Variants in KCNJ12 observed in about 807,000 individuals in gnomAD.
The protein encoded by KCNJ12 is ATP-sensitive inward rectifier potassium channel 12.
Under a neutral mutation model 22.3 loss-of-function variants are expected in KCNJ12, and 2 were observed. The ratio of observed to expected loss-of-function variants is 0.09; its 90% confidence interval spans 0.04 to 0.28. The LOEUF is 0.28. KCNJ12 is among the 10% of genes least tolerant of loss of function. The probability of loss-of-function intolerance (pLI) is 1.00; values close to 1 mark genes in which losing one functional copy is unlikely to be tolerated. For synonymous variants in KCNJ12, 117 were observed against 261.4 expected, an observed-to-expected ratio of 0.45 and a Z score of 5.33; for missense variants, 155 against 633.3, an observed-to-expected ratio of 0.24 and a Z score of 8.11.
chr17:21,416,554 C>T lies in KCNJ12; in HGVS notation c.1212C>T (p.Leu404=). Reference sequence around the variant, plus strand: ...AGGACGGCCGAAGCCGGGACGGCCTCAGCCCCCAGGCCAGGCATGACTTTG... The same window carrying T: ...AGGACGGCCGAAGCCGGGACGGCCTTAGCCCCCAGGCCAGGCATGACTTTG... ...GDQDGRSRDG[L]SPQARHDFDR... is the part of the protein sequence containing the mutation. Residue 404 remains leucine, a synonymous_variant, in exon 3 of 3, where the codon CTC becomes CTT. Coordinates refer to ENST00000583088, the MANE Select transcript of KCNJ12 (RefSeq NM_021012.5). 6.2e-7 allele frequency: 1 copy of T among 1,608,108 alleles called. No homozygotes were observed. Among genetic ancestry groups the T allele is most frequent in the Non-Finnish European group, 8.5e-7 (1 of 1,176,648 alleles).
intron 1 of KCNJ12, among the ~76,000 whole-genome samples, chr17:21,388,150 G>C (rs1905123996): frequency 6.6e-6 from 1 of 152,208 alleles, no homozygotes; most frequent in Non-Finnish European, 1.5e-5. Flanking sequence ...CAGGGAGGGT[G>C]TTTTCCTGAC....
chr17:21,409,407 A>G (rs1326820982), intron 2 of KCNJ12, among the ~76,000 whole-genome samples: 3 of 152,310 alleles, frequency 2.0e-5, no homozygotes, highest in Non-Finnish European at 4.4e-5. Context: ...AGGAAGGCCC[A>G]GGAGACAAAG....
intron 1 of KCNJ12, among the ~76,000 whole-genome samples, chr17:21,389,194 C>G (rs1251169817): frequency 1.3e-5 from 2 of 152,178 alleles, no homozygotes; most frequent in Non-Finnish European, 2.9e-5. Context: ...GAAATGGAGG[C>G]CGGGAGAAGG....
rs1216944647 is a variant in KCNJ12, at chr17:21,416,707, G to T, written c.*63G>T. On this transcript the variant is annotated 3_prime_UTR_variant, in exon 3 of 3. Transcript: ENST00000583088. ...GGGGAGAGGCCCCGCGGTCGCTCAG[G>T]GGCCCCGGGTTTGAGCAGAACGGGC... The T allele has an allele frequency of 4.7e-6, 7 of 1,496,146 alleles. No individual in the cohort carries two copies. The African/African-American group carries it at 9.8e-5, about 21-fold the overall frequency. The allele number at this position is 1,496,146 out of a possible 1,614,324, so 92.7% of individuals were successfully genotyped here.
At chr17:21,381,288 G>A in intron 1 of KCNJ12, among the ~76,000 whole-genome samples, 1 of 152,072 alleles carries the variant, frequency 6.6e-6, no homozygotes, top group East Asian at 1.9e-4. Flanking sequence ...GAGGGGCCAG[G>A]GAACAAACAA....
Position 21,418,498 on chromosome 17 carries a change from C to T in KCNJ12, c.*1854C>T, listed in dbSNP as rs1597590981. On this transcript the variant is annotated 3_prime_UTR_variant, in exon 3 of 3. Transcript: ENST00000583088. ...GGGTGTCTGCCTCTTCCCTCCACCTCCTCCCCTCCTTAGCAGCTGAAGACT... is the reference window on the plus strand; with the variant it reads ...GGGTGTCTGCCTCTTCCCTCCACCTTCTCCCCTCCTTAGCAGCTGAAGACT... 6.0e-6 allele frequency: 1 copy of T among 167,254 alleles called. No individual in the cohort carries two copies. The highest frequency in any genetic ancestry group is 2.4e-5 in the African/African-American group (1 of 41,416). 10.4% of individuals were successfully genotyped at this position (167,254 alleles called of 1,614,324 possible).
At chr17:21,393,893 G>C (rs1905269556) in intron 1 of KCNJ12, among the ~76,000 whole-genome samples, 1 of 152,226 alleles carries the variant, frequency 6.6e-6, no homozygotes, top group African/African-American at 2.4e-5. Context: ...AGCCCATGGA[G>C]TGTGTGGCCT....
chr17:21,393,444 G>T (rs578033336), intron 1 of KCNJ12, among the ~76,000 whole-genome samples: 2 of 151,824 alleles, frequency 1.3e-5, no homozygotes, highest in African/African-American at 2.4e-5. Flanking sequence ...TGGCTTCTGC[G>T]TGCGCCCTCC....
Position 21,418,082 on chromosome 17 carries a change from AC to A in KCNJ12, c.*1441del, listed in dbSNP as rs1455411110. On this transcript the variant is annotated 3_prime_UTR_variant, in exon 3 of 3. Transcript: ENST00000583088. Reference sequence around the variant, plus strand: ...CTCCCCCAGGTTGAGGCACTATGGCACCCTCATCAGGAAGAGGTTTGGGGTC... The same window carrying A: ...CTCCCCCAGGTTGAGGCACTATGGCACCTCATCAGGAAGAGGTTTGGGGTC... 3 of 167,046 alleles carry A rather than the reference AC, an allele frequency of 1.8e-5. No individual in the cohort carries two copies. The highest frequency in any genetic ancestry group is 1.3e-4 in the Admixed American group (2 of 15,292). 10.3% of individuals were successfully genotyped at this position (167,046 alleles called of 1,614,324 possible).
chr17:21,414,993 A>G (rs1394250127), intron 2 of KCNJ12, among the ~76,000 whole-genome samples: 5 of 151,430 alleles, frequency 3.3e-5, no homozygotes, highest in Non-Finnish European at 5.9e-5. Flanking sequence ...GCACTGTTAG[A>G]TTCAGGCCTT....
At chr17:21,399,676 G>T (rs1369443148) in intron 1 of KCNJ12, among the ~76,000 whole-genome samples, 4 of 152,128 alleles carry the variant, frequency 2.6e-5, no homozygotes, top group African/African-American at 9.7e-5. Context: ...TGGAGGAGGT[G>T]GTCCAAGCCA....
chr17:21,376,362 G>T lies in KCNJ12; in HGVS notation c.-730G>T, dbSNP rs1302217924. Reference sequence around the variant, plus strand: ...CTCTCCGCGGAGAGTTAGAGGAGTTGCCGAGCTGAGCTCCGGTGGAGCGAG... The same window carrying T: ...CTCTCCGCGGAGAGTTAGAGGAGTTTCCGAGCTGAGCTCCGGTGGAGCGAG... On this transcript the variant is annotated 5_prime_UTR_variant, in exon 1 of 3. Transcript: ENST00000583088. The surrounding 1 kb of genome is among the most constrained non-coding windows in gnomAD (Gnocchi z 5.3). 1 of 151,788 alleles carries T rather than the reference G, an allele frequency of 6.6e-6. No homozygotes were observed. Among genetic ancestry groups the T allele is most frequent in the African/African-American group, 2.4e-5 (1 of 41,318 alleles). The allele number at this position is 151,788 out of a possible 1,614,324, so 9.4% of individuals were successfully genotyped here.
intron 1 of KCNJ12, among the ~76,000 whole-genome samples, chr17:21,385,743 G>A (rs1905051188): frequency 6.6e-6 from 1 of 152,226 alleles, no homozygotes; most frequent in Non-Finnish European, 1.5e-5. Context: ...CACGGTAGAT[G>A]CCCTGACTCT....
rs573335001 is a variant in KCNJ12, at chr17:21,384,918, A to T, written c.-179+8005A>T. Among the ~76,000 whole-genome samples, 700 of 151,386 alleles carry T rather than the reference A, an allele frequency of 4.6e-3. 2 individuals carry two copies. Among genetic ancestry groups the T allele is most frequent in the Middle Eastern group, 0.01 (3 of 292 alleles). On this transcript the variant is annotated intron_variant, in intron 1 of 2. Transcript: ENST00000583088. ...CTCCCGAGTAGCTGGGACTATAGGC[A>T]CCCACCACCGCGCCCGGCTAATTTT...
intron 1 of KCNJ12, among the ~76,000 whole-genome samples, chr17:21,399,231 C>T (rs1555560220): frequency 6.6e-6 from 1 of 152,216 alleles, no homozygotes; most frequent in Admixed American, 6.5e-5. Flanking sequence ...TGCCTGGCCC[C>T]CAGATGCTGG....
chr17:21,381,024 C>A (rs1364991614), intron 1 of KCNJ12, among the ~76,000 whole-genome samples: 1 of 152,232 alleles, frequency 6.6e-6, no homozygotes, highest in African/African-American at 2.4e-5. Flanking sequence ...TAGCCTTCAG[C>A]CATGCATCAT....
intron 1 of KCNJ12, among the ~76,000 whole-genome samples, chr17:21,391,170 G>A (rs1418999810): frequency 6.6e-6 from 1 of 152,232 alleles, no homozygotes; most frequent in Non-Finnish European, 1.5e-5. Context: ...GGATGCCTGG[G>A]TATGGATGGA....
intron 1 of KCNJ12, among the ~76,000 whole-genome samples, chr17:21,389,694 C>T (rs1905161957): frequency 6.6e-6 from 1 of 152,108 alleles, no homozygotes; most frequent in African/African-American, 2.4e-5. Context: ...GGGGAAGAGG[C>T]CCTGGATCCT....
chr17:21,393,220 C>T (rs887186675), intron 1 of KCNJ12, among the ~76,000 whole-genome samples: 3 of 152,176 alleles, frequency 2.0e-5, no homozygotes, highest in Non-Finnish European at 4.4e-5. Flanking sequence ...CCCCATTTTA[C>T]AGATGGGGAC....
Sources: gnomAD v4.1 joint callset for allele counts (sites outside exome capture counted in the v4.1 genomes callset) on GRCh38, gnomAD v4.1.1 for gene constraint, Gnocchi (gnomAD v3.1) non-coding constraint, MANE v1.5 for transcripts, NCBI Gene and HGNC (gene_info 2026-07-23, HGNC 2026-07-21) for gene names.